Variants in RALYL observed in about 807,000 individuals in gnomAD.
The protein encoded by RALYL is RNA-binding Raly-like protein.
In RALYL, 29 loss-of-function variants were observed where a neutral mutation model predicts 35.1. That is an observed-to-expected ratio of 0.83 (90% CI 0.61 to 1.13). RALYL has a LOEUF of 1.13. Among genes scored for constraint, RALYL ranks in the 50% most tolerant of loss-of-function variants. The pLI is 0.00. For synonymous variants in RALYL, 120 were observed against 127.6 expected, an observed-to-expected ratio of 0.94 and a Z score of 0.40; for missense variants, 359 against 360.4, an observed-to-expected ratio of 1.00 and a Z score of 0.03.
intron 1 of RALYL, among the ~76,000 whole-genome samples, chr8:84,421,384 TG>T (rs2045567689): frequency 1.4e-5 from 1 of 71,494 alleles, no homozygotes; most frequent in Non-Finnish European, 2.7e-5. Context: ...TTGTGATTTT[TG>T]TACATTGATT....
At chr8:84,228,626 G>T (rs1030758453) in intron 1 of RALYL, among the ~76,000 whole-genome samples, 9 of 152,154 alleles carry the variant, frequency 5.9e-5, no homozygotes, top group Non-Finnish European at 1.2e-4. Flanking sequence ...CATCTAAGCT[G>T]CATTTTGTAT....
At chr8:84,205,165 A>G (rs911089417) in intron 1 of RALYL, among the ~76,000 whole-genome samples, 1 of 152,224 alleles carries the variant, frequency 6.6e-6, no homozygotes. Context: ...GCCTAATAAA[A>G]CATATGTTGT....
At position 84,462,963 on chromosome 8, in the gene RALYL, C is replaced by T. The variant is rs190289237; in HGVS notation, c.-23-66336C>T. Among the ~76,000 whole-genome samples, 68 of 151,982 alleles carry T rather than the reference C, an allele frequency of 4.5e-4. 2 individuals are homozygous for T. In the South Asian group the frequency reaches 5.8e-3, roughly 13 times the overall value. On this transcript the variant is annotated intron_variant, in intron 1 of 8. Transcript: ENST00000521268. The stretch of plus-strand genomic sequence containing the variant: ...ATTCATTCATTCAACATATATTAAG[C>T]ACCCATTTTTAAACAGATATTAGTC...
chr8:84,467,302 A>G (rs2133566176), intron 1 of RALYL, among the ~76,000 whole-genome samples: 1 of 150,040 alleles, frequency 6.7e-6, no homozygotes, highest in Admixed American at 6.6e-5. Context: ...TTCCCTCTAC[A>G]CACTGCTTTG....
At chr8:84,707,425 A>G (rs988594836) in intron 2 of RALYL, among the ~76,000 whole-genome samples, 8 of 151,800 alleles carry the variant, frequency 5.3e-5, no homozygotes, top group African/African-American at 1.7e-4. Flanking sequence ...TATATCCCTC[A>G]TTTTTTTTCC....
chr8:84,444,323 T>C (rs934235326), intron 1 of RALYL, among the ~76,000 whole-genome samples: 1 of 151,848 alleles, frequency 6.6e-6, no homozygotes, highest in Non-Finnish European at 1.5e-5. Context: ...AGCAAGAGCC[T>C]GTCAAAGAAA....
At chr8:84,445,172 A>T (rs2048726545) in intron 1 of RALYL, among the ~76,000 whole-genome samples, 1 of 152,066 alleles carries the variant, frequency 6.6e-6, no homozygotes, top group Non-Finnish European at 1.5e-5. Flanking sequence ...TCTGTTTTAG[A>T]TGTAGAAAAC....
chr8:84,862,437 G>A lies in RALYL; in HGVS notation c.555G>A (p.Gly185=). Residue 185 remains glycine, a synonymous_variant, in exon 6 of 9, where the codon GGG becomes GGA. Transcript: ENST00000521268. ...GTGGATCGAGATCTACTGCCAGTGG[G>A]TCAACAGGTTCTAAATGTAAGTAAT... The part of the protein sequence containing the change: ...MKGGSRSTAS[G]STGSKLKSDE... 1 of 1,598,836 alleles carries A rather than the reference G, an allele frequency of 6.3e-7. No individual in the cohort carries two copies. Among genetic ancestry groups the A allele is most frequent in the Non-Finnish European group, 8.5e-7 (1 of 1,174,234 alleles).
At chr8:84,357,756 C>T (rs929308004) in intron 1 of RALYL, among the ~76,000 whole-genome samples, 10 of 131,682 alleles carry the variant, frequency 7.6e-5, no homozygotes, top group South Asian at 2.2e-4. Flanking sequence ...TTTAGCTTGT[C>T]GTATATATAT....
At chr8:84,676,250 G>A (rs889984045) in intron 2 of RALYL, among the ~76,000 whole-genome samples, 7 of 152,170 alleles carry the variant, frequency 4.6e-5, no homozygotes, top group Admixed American at 2.6e-4. Flanking sequence ...GATATGGATG[G>A]CCAATTTGGG....
At chr8:84,340,568 C>CA (rs1327866670) in intron 1 of RALYL, among the ~76,000 whole-genome samples, 1 of 152,064 alleles carries the variant, frequency 6.6e-6, no homozygotes, top group Non-Finnish European at 1.5e-5. Context: ...TTTTACTTGG[C>CA]ATAATGTCCT....
At position 84,654,189 on chromosome 8, in the gene RALYL, G is replaced by A. The variant is rs906349698; in HGVS notation, c.257-120390G>A. 1.1e-4 allele frequency among the ~76,000 whole-genome samples: 15 copies of A among 139,834 alleles called. 1 individual carries two copies. The highest frequency in any genetic ancestry group is 2.0e-4 in the Non-Finnish European group (13 of 65,226). The allele number at this position is 139,834 out of a possible 152,430, so 91.7% of individuals were successfully genotyped here. ...ATCCACAAAAATTAACACAAAAGAA[G>A]CCACCATCACCAACATGTACATGTA... On this transcript the variant is annotated intron_variant, in intron 2 of 8. Transcript: ENST00000521268.
rs1456704810 is a variant in RALYL at position 84,467,591 on chromosome 8, G to T, written c.-23-61708G>T. 7.3e-5 allele frequency among the ~76,000 whole-genome samples: 11 copies of T among 150,734 alleles called. No individual in the cohort carries two copies. In the South Asian group the frequency reaches 2.3e-3, roughly 32 times the overall value. On this transcript the variant is annotated intron_variant, in intron 1 of 8. Coordinates refer to ENST00000521268, the MANE Select transcript of RALYL (RefSeq NM_173848.7). Reference sequence around the variant, plus strand: ...TGTGGTCAATTTTGGAATAGGTGTGGTGTGGTGCTGAAAAAAATGTATATT... The same window carrying T: ...TGTGGTCAATTTTGGAATAGGTGTGTTGTGGTGCTGAAAAAAATGTATATT...
chr8:84,381,428 G>C (rs1857975065), intron 1 of RALYL, among the ~76,000 whole-genome samples: 1 of 151,738 alleles, frequency 6.6e-6, no homozygotes, highest in Non-Finnish European at 1.5e-5. Flanking sequence ...TCTTCCACCT[G>C]TTCTTTCAGT....
intron 2 of RALYL, among the ~76,000 whole-genome samples, chr8:84,662,061 A>G (rs1831044597): frequency 6.6e-6 from 1 of 152,174 alleles, no homozygotes; most frequent in Non-Finnish European, 1.5e-5. Context: ...AAGTCAATAC[A>G]TAAAAAAGTT....
At chr8:84,457,585 A>G (rs945921869) in intron 1 of RALYL, among the ~76,000 whole-genome samples, 4 of 151,916 alleles carry the variant, frequency 2.6e-5, no homozygotes, top group Admixed American at 2.0e-4. Flanking sequence ...GTATGACATC[A>G]TTGTAGATGT....
In RALYL at chr8:84,204,265, G is replaced by A. The variant is rs542074007; in HGVS notation, c.-24+19841G>A. On this transcript the variant is annotated intron_variant, in intron 1 of 8. Transcript: ENST00000521268. ...ACTCTAGCTCAGAAAAAAAAAATGA[G>A]AGGAAGAGCACCACAAAAATATATC... is the stretch of plus-strand genomic sequence containing the variant. Among the ~76,000 whole-genome samples, 322 of 151,942 alleles carry A rather than the reference G, an allele frequency of 2.1e-3. 1 individual carries two copies. Among genetic ancestry groups the A allele is most frequent in the Middle Eastern group, 0.014 (4 of 292 alleles).
chr8:84,712,729 C>G (rs1276775554), intron 2 of RALYL, among the ~76,000 whole-genome samples: 1 of 152,108 alleles, frequency 6.6e-6, no homozygotes, highest in Non-Finnish European at 1.5e-5. Context: ...GCAGAGTATA[C>G]TTTATCACTT....
intron 1 of RALYL, among the ~76,000 whole-genome samples, chr8:84,497,252 A>G (rs1395407330): frequency 6.6e-6 from 1 of 152,174 alleles, no homozygotes; most frequent in African/African-American, 2.4e-5. Flanking sequence ...GAGAGAGGAA[A>G]TCTGCAAGGT....
Sources: gnomAD v4.1 joint callset for allele counts (sites outside exome capture counted in the v4.1 genomes callset) on GRCh38, gnomAD v4.1.1 for gene constraint, MANE v1.5 for transcripts, NCBI Gene and HGNC (gene_info 2026-07-23, HGNC 2026-07-21) for gene names.